Variants in ANXA10 observed in about 807,000 individuals in gnomAD.
ANXA10 encodes the protein annexin A10, also known as annexin 14.
Under a neutral mutation model 53.5 loss-of-function variants are expected in ANXA10, and 49 were observed. The observed-to-expected ratio is 0.92, with a 90% CI of 0.73 to 1.16. The LOEUF is 1.16. Among genes scored for constraint, ANXA10 ranks in the 50% most tolerant of loss-of-function variants. The pLI is 0.00. For missense variants in ANXA10, 393 were observed against 394.4 expected (o/e 1.00, Z 0.03); for synonymous variants, 131 against 128.9 (o/e 1.02, Z -0.11).
At chr4:168,159,398 G>C (rs1731743565) in intron 3 of ANXA10, among the ~76,000 whole-genome samples, 1 of 152,064 alleles carries the variant, frequency 6.6e-6, no homozygotes, top group African/African-American at 2.4e-5. Flanking sequence ...AGCAATACTG[G>C]CCAGATAAGG....
rs751180361 is a variant in ANXA10, at chr4:168,139,554, G to C, written c.169G>C (p.Glu57Gln). Reference protein sequence around the residue: ...RCNAQRMMIAEAYQSMYGRDL... With the variant: ...RCNAQRMMIAQAYQSMYGRDL... ...CAATGCACAAAGGATGATGATTGCA[G>C]AGGCATACCAGAGCATGTATGGCCG... is the stretch of plus-strand genomic sequence containing the variant. Residue 57 changes from glutamate to glutamine, a missense_variant, in exon 3 of 12, where the codon GAG (glutamate) becomes CAG (glutamine). Glu to Gln is a conservative substitution (Grantham distance 29, BLOSUM62 2). Transcript: ENST00000359299. 1 of 1,612,008 alleles carries C rather than the reference G, an allele frequency of 6.2e-7. No individual in the cohort carries two copies. The highest frequency in any genetic ancestry group is 1.1e-5 in the South Asian group (1 of 90,914).
chr4:168,131,926 T>C (rs1445311381), intron 2 of ANXA10, among the ~76,000 whole-genome samples: 2 of 152,036 alleles, frequency 1.3e-5, no homozygotes, highest in South Asian at 4.1e-4. Flanking sequence ...AAGAAATAAT[T>C]TTACTCACCT....
chr4:168,125,826 G>T (rs2149469308), intron 1 of ANXA10, among the ~76,000 whole-genome samples: 1 of 152,098 alleles, frequency 6.6e-6, no homozygotes, highest in South Asian at 2.1e-4. Context: ...AAGTTTATGT[G>T]GCTGTTTATT....
At chr4:168,131,460 C>A (rs1422305344) in intron 2 of ANXA10, among the ~76,000 whole-genome samples, 3 of 151,928 alleles carry the variant, frequency 2.0e-5, no homozygotes, top group Admixed American at 1.3e-4. Flanking sequence ...TGGCAATAAG[C>A]ATTCTATAGA....
chr4:168,125,148 A>T (rs1731048321), intron 1 of ANXA10, among the ~76,000 whole-genome samples: 1 of 152,168 alleles, frequency 6.6e-6, no homozygotes. Flanking sequence ...GAAATGCCTG[A>T]AGACCTTTAG....
intron 11 of ANXA10, among the ~76,000 whole-genome samples, chr4:168,185,965 C>A (rs1466196854): frequency 6.6e-6 from 1 of 152,148 alleles, no homozygotes. Context: ...AAATCTTATT[C>A]CTTCATCTTT....
chr4:168,145,929 T>C (rs956631672), intron 3 of ANXA10, among the ~76,000 whole-genome samples: 42 of 152,016 alleles, frequency 2.8e-4, no homozygotes, highest in Admixed American at 7.2e-4. Flanking sequence ...GAGTGGCTTT[T>C]TTTTTTTCTT....
At chr4:168,147,228 C>A (rs1731420595) in intron 3 of ANXA10, among the ~76,000 whole-genome samples, 1 of 152,164 alleles carries the variant, frequency 6.6e-6, no homozygotes, top group African/African-American at 2.4e-5. Flanking sequence ...CATTGAGTCC[C>A]AGTTGATTTA....
chr4:168,130,234 A>C (rs1457735733), intron 2 of ANXA10, among the ~76,000 whole-genome samples: 1 of 151,968 alleles, frequency 6.6e-6, no homozygotes, highest in African/African-American at 2.4e-5. Context: ...TAATCACATG[A>C]TTTTTCTCCT....
At chr4:168,175,171 C>A (rs772736602) in intron 6 of ANXA10, among the ~76,000 whole-genome samples, 1 of 152,068 alleles carries the variant, frequency 6.6e-6, no homozygotes, top group African/African-American at 2.4e-5. Context: ...AAATAGATTG[C>A]AGGATCCTGG....
chr4:168,157,307 T>G (rs542935391), intron 3 of ANXA10, among the ~76,000 whole-genome samples: 349 of 152,068 alleles, frequency 2.3e-3, no homozygotes, highest in Admixed American at 4.4e-3. Context: ...TTGCTCTGTC[T>G]CCCAGGCTGG....
chr4:168,158,871 G>A (rs1024802040), intron 3 of ANXA10, among the ~76,000 whole-genome samples: 2 of 152,186 alleles, frequency 1.3e-5, no homozygotes, highest in Non-Finnish European at 2.9e-5. Context: ...GAAGATAGGT[G>A]TTTGGGTCGT....
At chr4:168,104,973 G>A (rs186235468) in intron 1 of ANXA10, among the ~76,000 whole-genome samples, 2 of 151,660 alleles carry the variant, frequency 1.3e-5, no homozygotes, top group South Asian at 2.1e-4. Context: ...TTTACCTTTA[G>A]GCACTGAAAC....
At chr4:168,127,755 T>C (rs896191724) in intron 1 of ANXA10, 1 of 525,944 alleles carries the variant, frequency 1.9e-6, no homozygotes, top group Non-Finnish European at 3.6e-6. Flanking sequence ...GTATGTTTTG[T>C]AGTAATTTAA....
At chr4:168,131,139 C>A (rs1253496913) in intron 2 of ANXA10, among the ~76,000 whole-genome samples, 1 of 151,784 alleles carries the variant, frequency 6.6e-6, no homozygotes, top group Admixed American at 6.6e-5. Flanking sequence ...CTAAGCATTG[C>A]TTTTGCTCAT....
At position 168,184,610 on chromosome 4, in the gene ANXA10, G is replaced by A; in HGVS notation, c.835G>A (p.Glu279Lys). 1 of 1,613,966 alleles carries A rather than the reference G, an allele frequency of 6.2e-7. No homozygotes were observed. The highest frequency in any genetic ancestry group is 8.5e-7 in the Non-Finnish European group (1 of 1,179,872). Residue 279 changes from glutamate (E) to lysine (K), a missense_variant, in exon 11 of 12, where the codon GAA (glutamate) becomes AAA (lysine). Physicochemically the swap from Glu to Lys is moderately conservative, Grantham distance 56. Transcript: ENST00000359299. ...TVIRILIARSEIDLLTIRKRY... is the reference protein window; with the variant it reads ...TVIRILIARSKIDLLTIRKRY... ...AATCAGGATTCTCATTGCCAGAAGT[G>A]AAATAGACCTGCTGACCATAAGGAA...
intron 6 of ANXA10, among the ~76,000 whole-genome samples, chr4:168,172,074 A>C (rs979557398): frequency 6.6e-6 from 1 of 152,116 alleles, no homozygotes; most frequent in South Asian, 2.1e-4. Context: ...TTTCCTTCCC[A>C]TGTTTATCAT....
At chr4:168,107,459 A>G (rs1379740896) in intron 1 of ANXA10, among the ~76,000 whole-genome samples, 1 of 152,206 alleles carries the variant, frequency 6.6e-6, no homozygotes, top group Non-Finnish European at 1.5e-5. Context: ...AGTTTAATTA[A>G]TTAAACTAAG....
At chr4:168,175,401 T>C (rs2149480138) in intron 6 of ANXA10, among the ~76,000 whole-genome samples, 1 of 152,314 alleles carries the variant, frequency 6.6e-6, no homozygotes, top group African/African-American at 2.4e-5. Context: ...AGCCAGAACA[T>C]ATTGTGTAAA....
Sources: allele counts gnomAD v4.1 joint callset (sites outside exome capture counted in the v4.1 genomes callset), GRCh38; gene constraint gnomAD v4.1.1; transcripts MANE v1.5; gene names NCBI Gene and HGNC (gene_info 2026-07-23, HGNC 2026-07-21).